CSMD3: variants seen among roughly 807,000 people sequenced by gnomAD.
The protein encoded by CSMD3 is CUB and Sushi multiple domains 3.
In CSMD3, 177 loss-of-function variants were observed where a neutral mutation model predicts 435.2. The observed-to-expected ratio is 0.41, with a 90% CI of 0.36 to 0.46. CSMD3 has a LOEUF of 0.46. CSMD3 is among the 20% of genes least tolerant of loss of function. CSMD3 has a pLI of 0.34. For missense variants in CSMD3, 4,265 were observed against 4,504.6 expected, an observed-to-expected ratio of 0.95 and a Z score of 1.52; for synonymous variants, 1,656 against 1,520.5, an observed-to-expected ratio of 1.09 and a Z score of -2.07.
intron 53 of CSMD3, among the ~76,000 whole-genome samples, chr8:112,299,605 A>T (rs1711563024): frequency 6.6e-6 from 1 of 152,088 alleles, no homozygotes; most frequent in African/African-American, 2.4e-5. Flanking sequence ...TAATTGAAAA[A>T]TTCATAATAA....
chr8:112,648,167 C>T (rs1209780272), intron 19 of CSMD3, among the ~76,000 whole-genome samples: 1 of 152,110 alleles, frequency 6.6e-6, no homozygotes, highest in Non-Finnish European at 1.5e-5. Flanking sequence ...CTTGTTACCT[C>T]AGGAGATCTG....
chr8:112,935,773 C>T (rs1001353303), intron 9 of CSMD3, among the ~76,000 whole-genome samples: 2 of 151,556 alleles, frequency 1.3e-5, no homozygotes, highest in East Asian at 3.9e-4. Context: ...AGGGGGAAGT[C>T]ACTGAAGAAT....
intron 22 of CSMD3, among the ~76,000 whole-genome samples, chr8:112,603,026 T>G (rs990836326): frequency 6.6e-6 from 1 of 152,166 alleles, no homozygotes; most frequent in Non-Finnish European, 1.5e-5. Flanking sequence ...TACAGGAGCA[T>G]GCCACCATGG....
At chr8:112,794,812 C>T (rs7825082) in intron 13 of CSMD3, among the ~76,000 whole-genome samples, 27 of 151,786 alleles carry the variant, frequency 1.8e-4, no homozygotes, top group Non-Finnish European at 2.6e-4. Flanking sequence ...AGTAAAATAT[C>T]GGTATGCTAT....
At chr8:112,608,366 G>A (rs945287586) in intron 22 of CSMD3, among the ~76,000 whole-genome samples, 17 of 152,022 alleles carry the variant, frequency 1.1e-4, no homozygotes, top group African/African-American at 3.1e-4. Flanking sequence ...ATACCTATAC[G>A]TTCCAAAGCA....
chr8:112,842,040 G>T (rs190471216), intron 11 of CSMD3, among the ~76,000 whole-genome samples: 2 of 151,860 alleles, frequency 1.3e-5, no homozygotes, highest in Non-Finnish European at 2.9e-5. Context: ...AGACCAAAAA[G>T]CTGTAATACT....
chr8:112,541,572 C>G (rs1826666106), intron 27 of CSMD3, among the ~76,000 whole-genome samples: 1 of 151,680 alleles, frequency 6.6e-6, no homozygotes, highest in African/African-American at 2.4e-5. Context: ...AAAGCCTGAA[C>G]AGACTCATTA....
intron 1 of CSMD3, among the ~76,000 whole-genome samples, chr8:113,351,869 T>C (rs747594358): frequency 4.6e-5 from 7 of 152,182 alleles, no homozygotes; most frequent in Non-Finnish European, 7.4e-5. Flanking sequence ...GTAAGACAGA[T>C]TGGAATTTCC....
intron 32 of CSMD3, among the ~76,000 whole-genome samples, chr8:112,436,617 CAT>C (rs1814381980): frequency 1.3e-5 from 2 of 149,550 alleles, no homozygotes; most frequent in African/African-American, 4.8e-5. Flanking sequence ...TGCATGTATA[CAT>C]ATTTGTGTAT....
intron 63 of CSMD3, among the ~76,000 whole-genome samples, chr8:112,250,414 T>C (rs1806525611): frequency 6.6e-6 from 1 of 151,676 alleles, no homozygotes; most frequent in Non-Finnish European, 1.5e-5. Context: ...TAATAATTGG[T>C]TAAATTGTTT....
intron 3 of CSMD3, among the ~76,000 whole-genome samples, chr8:113,263,143 C>T (rs917520117): frequency 2.6e-5 from 4 of 151,912 alleles, no homozygotes; most frequent in South Asian, 2.1e-4. Flanking sequence ...AGCACACTGC[C>T]AGAGATCTCT....
chr8:112,925,651 GAGCA>G (rs1015288716), intron 9 of CSMD3, among the ~76,000 whole-genome samples: 52 of 152,280 alleles, frequency 3.4e-4, no homozygotes, highest in African/African-American at 1.2e-3. Context: ...AGTTAAGATG[GAGCA>G]GTAAGAGAGA....
intron 13 of CSMD3, among the ~76,000 whole-genome samples, chr8:112,701,789 A>G (rs1399050838): frequency 6.6e-6 from 1 of 152,120 alleles, no homozygotes; most frequent in African/African-American, 2.4e-5. Flanking sequence ...AGTGTTAGAC[A>G]TGTTGAAGCA....
intron 5 of CSMD3, among the ~76,000 whole-genome samples, chr8:113,073,286 T>A (rs1275213680): frequency 6.6e-6 from 1 of 151,688 alleles, no homozygotes; most frequent in African/African-American, 2.4e-5. Context: ...ATACAGTGAC[T>A]TTTTTTTCCG....
At chr8:113,242,339 G>A (rs2132251155) in intron 3 of CSMD3, among the ~76,000 whole-genome samples, 1 of 151,982 alleles carries the variant, frequency 6.6e-6, no homozygotes. Context: ...TATCAACTTA[G>A]AGACTGAGAA....
At chr8:113,355,719 T>TA (rs1491369203) in intron 1 of CSMD3, among the ~76,000 whole-genome samples, 2,988 of 78,992 alleles carry the variant, frequency 0.038, 288 homozygotes, top group African/African-American at 0.1. Context: ...AAAAGTTTTA[T>TA]TTTTATATAT....
intron 27 of CSMD3, among the ~76,000 whole-genome samples, chr8:112,533,582 T>G (rs1040627166): frequency 6.6e-6 from 1 of 151,978 alleles, no homozygotes; most frequent in African/African-American, 2.4e-5. Context: ...CATAAATATA[T>G]ATATATGTAC....
intron 7 of CSMD3, among the ~76,000 whole-genome samples, chr8:112,956,165 T>C (rs1045274136): frequency 6.6e-6 from 1 of 152,034 alleles, no homozygotes; most frequent in African/African-American, 2.4e-5. Context: ...TTTTACCTGC[T>C]TTTTTCTCTT....
chr8:113,237,039 C>T (rs1250748273), intron 3 of CSMD3, among the ~76,000 whole-genome samples: 1 of 152,014 alleles, frequency 6.6e-6, no homozygotes, highest in Non-Finnish European at 1.5e-5. Context: ...TTTAGGAGAA[C>T]AAAAGAAACA....
Sources: gnomAD v4.1 joint callset for allele counts (sites outside exome capture counted in the v4.1 genomes callset) on GRCh38, gnomAD v4.1.1 for gene constraint, MANE v1.5 for transcripts, NCBI Gene and HGNC (gene_info 2026-07-23, HGNC 2026-07-21) for gene names.